Variants in IQCM observed in about 807,000 individuals in gnomAD.
IQCM encodes the protein IQ domain-containing protein M.
IQCM carries 45 observed loss-of-function variants against 57.6 expected under a neutral mutation model. The ratio of observed to expected loss-of-function variants is 0.78; its 90% CI spans 0.62 to 1.00. The LOEUF (loss-of-function observed/expected upper bound fraction) is 1.00, where lower values mean the gene tolerates loss of function less well. IQCM is among the 50% of genes least tolerant of loss of function. The pLI is 0.00. For synonymous variants in IQCM, 148 were observed against 158.9 expected (o/e 0.93, Z 0.51); for missense variants, 468 against 511.6 (o/e 0.91, Z 0.82).
chr4:149,762,915 T>C (rs1197530090), intron 2 of IQCM, among the ~76,000 whole-genome samples: 1 of 152,044 alleles, frequency 6.6e-6, no homozygotes, highest in Non-Finnish European at 1.5e-5. Flanking sequence ...ATAAACGTGT[T>C]AAATTTAAAT....
chr4:149,615,508 A>T (rs1755709361), intron 8 of IQCM, among the ~76,000 whole-genome samples: 1 of 152,196 alleles, frequency 6.6e-6, no homozygotes, highest in Admixed American at 6.5e-5. Flanking sequence ...GGAAATTCTA[A>T]TATAATTCTA....
chr4:149,754,599 T>C (rs560060029), intron 2 of IQCM, among the ~76,000 whole-genome samples: 6 of 152,170 alleles, frequency 3.9e-5, no homozygotes, highest in Non-Finnish European at 7.3e-5. Flanking sequence ...ACTGTCTCCT[T>C]CTTGAAATAT....
intron 8 of IQCM, among the ~76,000 whole-genome samples, chr4:149,608,436 AT>A (rs775251953): frequency 2.7e-4 from 41 of 152,082 alleles, no homozygotes; most frequent in Middle Eastern, 6.8e-3. Flanking sequence ...TTTATGGAAT[AT>A]TTTATTCAAC....
At chr4:149,508,527 G>T (rs537137934) in intron 12 of IQCM, among the ~76,000 whole-genome samples, 1 of 152,310 alleles carries the variant, frequency 6.6e-6, no homozygotes, top group Non-Finnish European at 1.5e-5. Context: ...TTTCAGACTT[G>T]CATGGGGCCT....
intron 13 of IQCM, among the ~76,000 whole-genome samples, chr4:149,394,996 T>C (rs1732124969): frequency 6.6e-6 from 1 of 151,968 alleles, no homozygotes. Flanking sequence ...ATTTTACTGA[T>C]GTGAAAAACA....
rs1240343669 is a variant in IQCM, at chr4:149,815,688, C to T, written c.-175G>A. 1 of 151,958 alleles carries T rather than the reference C, an allele frequency of 6.6e-6. No homozygotes were observed. The highest frequency in any genetic ancestry group is 2.4e-5 in the African/African-American group (1 of 41,418). The allele number at this position is 151,958 out of a possible 1,614,324, so 9.4% of individuals were successfully genotyped here. A position where few individuals can be genotyped will look rare whatever the true frequency, so the allele number is the denominator to read the frequency against. ...CTCAGTTGCTTCACAGCATAGAAAC[C>T]TTGTATTCTTCCTTTATTATTTATC... On this transcript the variant is annotated 5_prime_UTR_variant, in exon 1 of 14. Transcript: ENST00000636793.
At chr4:149,395,154 T>C (rs1235023943) in intron 13 of IQCM, among the ~76,000 whole-genome samples, 1 of 152,018 alleles carries the variant, frequency 6.6e-6, no homozygotes, top group Admixed American at 6.6e-5. Context: ...AAGTAAAACA[T>C]ATAAACATAT....
At chr4:149,424,931 A>G (rs1347388723) in intron 13 of IQCM, among the ~76,000 whole-genome samples, 1 of 152,026 alleles carries the variant, frequency 6.6e-6, no homozygotes, top group Non-Finnish European at 1.5e-5. Context: ...ATGATTCAAT[A>G]TCATCTCCAT....
intron 12 of IQCM, among the ~76,000 whole-genome samples, chr4:149,433,937 T>A (rs940523456): frequency 6.6e-6 from 1 of 152,120 alleles, no homozygotes; most frequent in African/African-American, 2.4e-5. Flanking sequence ...TGAGTAAATA[T>A]AGAGTTCCAT....
intron 9 of IQCM, among the ~76,000 whole-genome samples, chr4:149,576,676 T>G (rs1217064462): frequency 6.6e-6 from 1 of 152,012 alleles, no homozygotes; most frequent in Non-Finnish European, 1.5e-5. Flanking sequence ...TCCATGTCTT[T>G]GCTATGGTGA....
rs1015310205 is a variant in IQCM at position 149,535,853 on chromosome 4, C to A, written c.1228+12602G>T. On this transcript the variant is annotated intron_variant, in intron 12 of 13. Transcript: ENST00000636793. Reference sequence around the variant, plus strand: ...CAGGAAAGTGGAGGGGAAGAAAAAGCCTTTCACTAGCCATGATGATTCCCA... The same window carrying A: ...CAGGAAAGTGGAGGGGAAGAAAAAGACTTTCACTAGCCATGATGATTCCCA... 3.9e-5 allele frequency among the ~76,000 whole-genome samples: 6 copies of A among 151,960 alleles called. No individual in the cohort carries two copies. The East Asian group carries it at 9.6e-4, about 24-fold the overall frequency.
intron 8 of IQCM, among the ~76,000 whole-genome samples, chr4:149,598,658 T>C (rs970880371): frequency 6.6e-6 from 1 of 152,176 alleles, no homozygotes; most frequent in African/African-American, 2.4e-5. Context: ...ACTTTATTTG[T>C]CATTAGGAAA....
intron 2 of IQCM, among the ~76,000 whole-genome samples, chr4:149,757,653 G>C (rs775835439): frequency 6.6e-6 from 1 of 151,934 alleles, no homozygotes; most frequent in East Asian, 1.9e-4. Flanking sequence ...GAATTCATAC[G>C]TACCTAACAA....
chr4:149,446,364 A>C (rs1736507741), intron 12 of IQCM, among the ~76,000 whole-genome samples: 1 of 151,760 alleles, frequency 6.6e-6, no homozygotes, highest in South Asian at 2.1e-4. Flanking sequence ...TGCTACTTTT[A>C]TTTAATATGC....
chr4:149,678,180 C>A (rs1394284047), intron 7 of IQCM, among the ~76,000 whole-genome samples: 1 of 151,536 alleles, frequency 6.6e-6, no homozygotes, highest in Non-Finnish European at 1.5e-5. Context: ...AGGGAAGGTC[C>A]GAGAACCCCA....
At chr4:149,380,751 G>A (rs1731022170) in intron 13 of IQCM, among the ~76,000 whole-genome samples, 1 of 152,078 alleles carries the variant, frequency 6.6e-6, no homozygotes, top group Non-Finnish European at 1.5e-5. Flanking sequence ...ACATCCCACA[G>A]TCCAGGAAAG....
chr4:149,462,664 T>C (rs528890798), intron 12 of IQCM, among the ~76,000 whole-genome samples: 1 of 152,316 alleles, frequency 6.6e-6, no homozygotes, highest in South Asian at 2.1e-4. Flanking sequence ...GACCCATTAG[T>C]TATCATGGAA....
At chr4:149,618,119 A>G (rs967267576) in intron 8 of IQCM, among the ~76,000 whole-genome samples, 2 of 152,194 alleles carry the variant, frequency 1.3e-5, no homozygotes, top group African/African-American at 4.8e-5. Context: ...CAAGACTATA[A>G]TAATCAAAAC....
intron 12 of IQCM, among the ~76,000 whole-genome samples, chr4:149,481,701 G>GTTTTTTTTTTTTTTGTTTTTGTT (rs1740834894): frequency 1.9e-5 from 1 of 51,550 alleles, no homozygotes; most frequent in Non-Finnish European, 3.7e-5. Context: ...TTCCAGTTTT[G>GTTTTTTTTTTTTTTGTTTTTGTT]TTTTTTTTTT....
Sources: gnomAD v4.1 joint callset for allele counts (sites outside exome capture counted in the v4.1 genomes callset) on GRCh38, gnomAD v4.1.1 for gene constraint, MANE v1.5 for transcripts, NCBI Gene and HGNC (gene_info 2026-07-23, HGNC 2026-07-21) for gene names.